ADGRL3: variants seen among roughly 807,000 people sequenced by gnomAD.
ADGRL3 encodes the protein calcium-independent alpha-latrotoxin receptor 3.
ADGRL3 carries 62 observed loss-of-function variants against 153.5 expected under a neutral mutation model. The observed-to-expected ratio is 0.40, with a 90% CI of 0.33 to 0.50. The LOEUF (loss-of-function observed/expected upper bound fraction) is 0.50, where lower values mean the gene tolerates loss of function less well. Among genes scored for constraint, ADGRL3 ranks in the 20% least tolerant of loss-of-function variants. ADGRL3 has a pLI of 0.47. For synonymous variants in ADGRL3, 710 were observed against 672.5 expected (o/e 1.06, Z -0.86); for missense variants, 1,641 against 1,859.4 (o/e 0.88, Z 2.16).
At chr4:61,620,344 A>G (rs1381855763) in intron 5 of ADGRL3, among the ~76,000 whole-genome samples, 2 of 152,166 alleles carry the variant, frequency 1.3e-5, no homozygotes, top group African/African-American at 4.8e-5. Context: ...AATTGAAGAT[A>G]CCTGAGAAAC....
chr4:61,731,416 A>G (rs2096440057), intron 7 of ADGRL3, among the ~76,000 whole-genome samples: 1 of 152,086 alleles, frequency 6.6e-6, no homozygotes, highest in Admixed American at 6.6e-5. Context: ...AAGGGTCAAT[A>G]TCCAAATTAC....
At chr4:61,984,086 G>A (rs1476535314) in intron 19 of ADGRL3, among the ~76,000 whole-genome samples, 1 of 152,172 alleles carries the variant, frequency 6.6e-6, no homozygotes, top group African/African-American at 2.4e-5. Flanking sequence ...TTGAGGTAGA[G>A]TGATGAATTT....
chr4:61,343,771 A>G (rs1035753362), intron 1 of ADGRL3, among the ~76,000 whole-genome samples: 9 of 152,170 alleles, frequency 5.9e-5, no homozygotes, highest in African/African-American at 2.2e-4. Context: ...ATGATTTAAC[A>G]TTGTTTATCC....
intron 8 of ADGRL3, among the ~76,000 whole-genome samples, chr4:61,742,512 C>T (rs904405970): frequency 4.6e-5 from 7 of 152,030 alleles, no homozygotes; most frequent in African/African-American, 1.7e-4. Flanking sequence ...TATATCCTGA[C>T]CTCATGATCC....
chr4:61,342,470 G>A (rs912006520), intron 1 of ADGRL3, among the ~76,000 whole-genome samples: 2 of 152,070 alleles, frequency 1.3e-5, no homozygotes, highest in African/African-American at 4.8e-5. Flanking sequence ...ACTTCTGGGT[G>A]ATCTCTGAGG....
intron 10 of ADGRL3, among the ~76,000 whole-genome samples, chr4:61,894,404 A>C (rs2149628794): frequency 6.6e-6 from 1 of 152,282 alleles, no homozygotes; most frequent in Non-Finnish European, 1.5e-5. Flanking sequence ...AATATTCAAA[A>C]ATACTCATTT....
At chr4:61,793,434 C>G (rs1038625173) in intron 8 of ADGRL3, among the ~76,000 whole-genome samples, 3 of 152,094 alleles carry the variant, frequency 2.0e-5, no homozygotes, top group South Asian at 4.2e-4. Context: ...AACAAACAAA[C>G]AAACAAAAAT....
At chr4:61,445,899 T>C (rs934980743) in intron 2 of ADGRL3, among the ~76,000 whole-genome samples, 2 of 152,216 alleles carry the variant, frequency 1.3e-5, no homozygotes, top group Non-Finnish European at 1.5e-5. Context: ...AGCACAACCA[T>C]TAACTTCTCT....
At chr4:61,707,786 G>A (rs1032503066) in intron 6 of ADGRL3, among the ~76,000 whole-genome samples, 3 of 152,008 alleles carry the variant, frequency 2.0e-5, no homozygotes, top group African/African-American at 7.2e-5. Flanking sequence ...ATGCTTCCAC[G>A]ATATGTAAGA....
intron 1 of ADGRL3, among the ~76,000 whole-genome samples, chr4:61,238,058 C>T (rs1307065082): frequency 1.3e-5 from 2 of 152,102 alleles, no homozygotes; most frequent in Non-Finnish European, 2.9e-5. Flanking sequence ...TGATTAATGT[C>T]TTCATTTGAA....
intron 2 of ADGRL3, among the ~76,000 whole-genome samples, chr4:61,448,358 C>A (rs908914819): frequency 1.3e-5 from 2 of 151,964 alleles, no homozygotes; most frequent in South Asian, 4.2e-4. Flanking sequence ...TAAAATACTG[C>A]GGGAAATAAT....
intron 8 of ADGRL3, among the ~76,000 whole-genome samples, chr4:61,745,334 A>AT (rs1467399091): frequency 3.3e-5 from 5 of 152,196 alleles, no homozygotes; most frequent in Non-Finnish European, 7.3e-5. Context: ...GCAGGCCAAC[A>AT]TTCAGACTCA....
At chr4:61,275,584 G>A (rs1475236384) in intron 1 of ADGRL3, among the ~76,000 whole-genome samples, 3 of 152,144 alleles carry the variant, frequency 2.0e-5, no homozygotes, top group Non-Finnish European at 4.4e-5. Context: ...AGTCTGAAAA[G>A]TTTGTTTCTC....
At chr4:61,794,806 G>T (rs1231816622) in intron 8 of ADGRL3, among the ~76,000 whole-genome samples, 1 of 152,174 alleles carries the variant, frequency 6.6e-6, no homozygotes, top group Non-Finnish European at 1.5e-5. Flanking sequence ...TAAACCATTA[G>T]GTGGTGGCTC....
intron 2 of ADGRL3, among the ~76,000 whole-genome samples, chr4:61,471,072 A>T (rs1226095017): frequency 6.6e-6 from 1 of 151,628 alleles, no homozygotes; most frequent in Non-Finnish European, 1.5e-5. Flanking sequence ...TAACAGGCTG[A>T]TATTTTACTT....
rs139385266 is a variant in ADGRL3 at position 61,743,194 on chromosome 4, C to G, written c.1399+9640C>G. On this transcript the variant is annotated intron_variant, in intron 8 of 26. Coordinates refer to ENST00000683033, the MANE Select transcript of ADGRL3 (RefSeq NM_001387552.1). Reference sequence around the variant, plus strand: ...AATTAGCTGGGAGTGGTGGTGGGTGCCTGTAGTCCTAGCTACTCAGGAAGC... The same window carrying G: ...AATTAGCTGGGAGTGGTGGTGGGTGGCTGTAGTCCTAGCTACTCAGGAAGC... 8.2e-3 allele frequency among the ~76,000 whole-genome samples: 1,242 copies of G among 151,426 alleles called. 10 individuals carry two copies. The highest frequency in any genetic ancestry group is 0.012 in the Non-Finnish European group (784 of 67,830).
At chr4:61,361,749 G>A (rs533115248) in intron 1 of ADGRL3, among the ~76,000 whole-genome samples, 11 of 152,142 alleles carry the variant, frequency 7.2e-5, no homozygotes, top group African/African-American at 2.7e-4. Context: ...AAGAGAATAG[G>A]AGATGGTGAA....
intron 8 of ADGRL3, among the ~76,000 whole-genome samples, chr4:61,764,268 A>G (rs908638679): frequency 2.0e-5 from 3 of 152,132 alleles, no homozygotes; most frequent in East Asian, 1.9e-4. Context: ...TGTGAGCAAC[A>G]TGGCTGTTTA....
intron 1 of ADGRL3, among the ~76,000 whole-genome samples, chr4:61,380,214 G>A (rs1403681203): frequency 6.6e-6 from 1 of 151,938 alleles, no homozygotes; most frequent in Non-Finnish European, 1.5e-5. Flanking sequence ...GTGTTTGTGT[G>A]TGTGTATGTG....
Sources: gnomAD v4.1 joint callset for allele counts (sites outside exome capture counted in the v4.1 genomes callset) on GRCh38, gnomAD v4.1.1 for gene constraint, MANE v1.5 for transcripts, NCBI Gene and HGNC (gene_info 2026-07-23, HGNC 2026-07-21) for gene names.